The following FRMD5 variants were observed in gnomAD, a reference collection of about 807,000 sequenced individuals.
FRMD5 encodes FERM domain-containing protein 5.
Under a neutral mutation model 69.0 loss-of-function variants are expected in FRMD5, and 20 were observed. The observed-to-expected ratio is 0.29, with a 90% CI of 0.20 to 0.42. The LOEUF (loss-of-function observed/expected upper bound fraction) is 0.42. Among genes scored for constraint, FRMD5 ranks in the 10% least tolerant of loss-of-function variants. The pLI is 1.00. For synonymous variants in FRMD5, 271 were observed against 260.1 expected (o/e 1.04, Z -0.40); for missense variants, 595 against 708.6 (o/e 0.84, Z 1.82).
intron 1 of FRMD5, among the ~76,000 whole-genome samples, chr15:43,997,098 G>T (rs1009060387): frequency 5.3e-5 from 8 of 152,214 alleles, no homozygotes; most frequent in African/African-American, 1.9e-4. Context: ...GAGAAAGTTT[G>T]AACTCCCACT....
intron 1 of FRMD5, among the ~76,000 whole-genome samples, chr15:43,981,380 G>C (rs572679583): frequency 6.6e-6 from 1 of 152,268 alleles, no homozygotes; most frequent in East Asian, 1.9e-4. Flanking sequence ...AGTGTAAATG[G>C]ATTATCATAA....
intron 1 of FRMD5, among the ~76,000 whole-genome samples, chr15:43,957,387 G>A (rs1683503300): frequency 1.3e-5 from 2 of 152,138 alleles, no homozygotes; most frequent in Non-Finnish European, 2.9e-5. Flanking sequence ...AGTAGAGACA[G>A]GATTTCACCA....
chr15:43,877,855 C>T (rs2088407742), intron 13 of FRMD5, among the ~76,000 whole-genome samples: 1 of 152,182 alleles, frequency 6.6e-6, no homozygotes, highest in Non-Finnish European at 1.5e-5. Context: ...GGATAGAATC[C>T]AAGCCGCTTT....
chr15:43,981,238 G>A (rs191178639), intron 1 of FRMD5, among the ~76,000 whole-genome samples: 1 of 152,256 alleles, frequency 6.6e-6, no homozygotes. Context: ...GGGATTACAG[G>A]CGTGAACCAC....
intron 1 of FRMD5, among the ~76,000 whole-genome samples, chr15:44,083,221 G>C (rs1015510413): frequency 4.0e-5 from 6 of 151,816 alleles, no homozygotes; most frequent in Non-Finnish European, 7.4e-5. Flanking sequence ...TACTCTCTTT[G>C]GTATGCTAGG....
chr15:44,172,960 G>A (rs1398809691), intron 1 of FRMD5, among the ~76,000 whole-genome samples: 1 of 152,156 alleles, frequency 6.6e-6, no homozygotes, highest in Non-Finnish European at 1.5e-5. Context: ...ACTGAGGACT[G>A]GCAAATAACT....
rs770539180 is a variant in FRMD5 at position 43,873,756 on chromosome 15, G to A, written c.*129C>T. On this transcript the variant is annotated 3_prime_UTR_variant, in exon 14 of 14. Coordinates refer to ENST00000417257, the MANE Select transcript of FRMD5 (RefSeq NM_032892.5). ...CTGGGAAACACCCTCCTAGGCTGCA[G>A]TGGACTTTGAGTCATGAGAGGAGGA... 76 of 1,530,236 alleles carry A rather than the reference G, an allele frequency of 5.0e-5. No homozygotes were observed. The South Asian group carries it at 7.4e-4, about 15-fold the overall frequency. 94.8% of individuals were successfully genotyped at this position (1,530,236 alleles called of 1,614,324 possible). A position where few individuals can be genotyped will look rare whatever the true frequency, so the allele number is the denominator to read the frequency against.
intron 1 of FRMD5, among the ~76,000 whole-genome samples, chr15:44,169,181 C>T (rs562775852): frequency 1.3e-5 from 2 of 152,222 alleles, no homozygotes; most frequent in South Asian, 2.1e-4. Flanking sequence ...TTATTCCTGT[C>T]GCCTTTTCTT....
chr15:44,135,114 T>TAAA (rs2077162658), intron 1 of FRMD5, among the ~76,000 whole-genome samples: 1 of 152,194 alleles, frequency 6.6e-6, no homozygotes, highest in Non-Finnish European at 1.5e-5. Flanking sequence ...TAAAAAAGTT[T>TAAA]GAATCCCCAA....
chr15:43,966,256 C>G (rs996528590), intron 1 of FRMD5, among the ~76,000 whole-genome samples: 1 of 152,052 alleles, frequency 6.6e-6, no homozygotes, highest in Admixed American at 6.5e-5. Flanking sequence ...CCTGTAGTCC[C>G]AGCTACTTGG....
intron 1 of FRMD5, among the ~76,000 whole-genome samples, chr15:44,146,094 C>T (rs1298577149): frequency 2.0e-5 from 3 of 152,162 alleles, no homozygotes; most frequent in Non-Finnish European, 4.4e-5. Flanking sequence ...CACCCATCAA[C>T]CCATCACCTA....
chr15:44,140,325 A>G (rs2077250091), intron 1 of FRMD5, among the ~76,000 whole-genome samples: 1 of 152,160 alleles, frequency 6.6e-6, no homozygotes, highest in African/African-American at 2.4e-5. Flanking sequence ...ATAGGGAGGA[A>G]ATCTAAATAG....
intron 1 of FRMD5, among the ~76,000 whole-genome samples, chr15:44,126,785 A>G (rs1379017307): frequency 2.6e-5 from 4 of 152,034 alleles, no homozygotes; most frequent in African/African-American, 9.7e-5. Context: ...CAGCTGACCA[A>G]TCTTCCAACC....
chr15:44,096,535 T>C (rs1238007417), intron 1 of FRMD5, among the ~76,000 whole-genome samples: 1 of 151,894 alleles, frequency 6.6e-6, no homozygotes, highest in Non-Finnish European at 1.5e-5. Context: ...CCTGGGTAGC[T>C]GGAACTATAG....
chr15:43,967,637 T>C (rs2090315416), intron 1 of FRMD5, among the ~76,000 whole-genome samples: 1 of 152,200 alleles, frequency 6.6e-6, no homozygotes, highest in Admixed American at 6.5e-5. Context: ...AGACCTGTGG[T>C]AACTAACACG....
chr15:44,116,447 A>G (rs568721986), intron 1 of FRMD5, among the ~76,000 whole-genome samples: 1 of 152,198 alleles, frequency 6.6e-6, no homozygotes, highest in South Asian at 2.1e-4. Context: ...GGCTTTAACA[A>G]CTGGCAGAGC....
chr15:43,919,297 G>A (rs2089450911), intron 4 of FRMD5, 162 bp downstream of exon 4: 1 of 785,916 alleles, frequency 1.3e-6, no homozygotes, highest in Non-Finnish European at 2.3e-6. Context: ...GGTACGCGAA[G>A]AAAGCATGTG....
intron 4 of FRMD5, among the ~76,000 whole-genome samples, chr15:43,916,504 G>T (rs1331750996): frequency 1.3e-5 from 2 of 152,214 alleles, no homozygotes; most frequent in African/African-American, 2.4e-5. Context: ...TCAGTGCAAG[G>T]CTCACTGTGG....
intron 1 of FRMD5, among the ~76,000 whole-genome samples, chr15:43,997,859 C>G (rs12916238): frequency 0.16 from 23,808 of 152,094 alleles, 2,189 homozygotes; most frequent in Middle Eastern, 0.29. Context: ...ACCATAATGA[C>G]AACAAAAATA....
Sources: allele counts gnomAD v4.1 joint callset (sites outside exome capture counted in the v4.1 genomes callset), GRCh38; gene constraint gnomAD v4.1.1; transcripts MANE v1.5; gene names NCBI Gene and HGNC (gene_info 2026-07-23, HGNC 2026-07-21).